The following NTNG1 variants were observed in gnomAD, a reference collection of about 807,000 sequenced individuals.
NTNG1 encodes the protein netrin-G1.
NTNG1 carries 16 observed loss-of-function variants against 54.0 expected under a neutral mutation model. That is an observed-to-expected ratio of 0.30 (90% confidence interval 0.20 to 0.45). The LOEUF is 0.45. Among genes scored for constraint, NTNG1 ranks in the 20% least tolerant of loss-of-function variants. The pLI, the probability that NTNG1 is intolerant of heterozygous loss-of-function variation, is 1.00. For synonymous variants in NTNG1, 255 were observed against 263.1 expected (o/e 0.97, Z 0.30); for missense variants, 530 against 678.7 (o/e 0.78, Z 2.43).
chr1:107,147,657 C>T (rs1014858205), intron 1 of NTNG1, among the ~76,000 whole-genome samples: 2 of 152,000 alleles, frequency 1.3e-5, no homozygotes, highest in Non-Finnish European at 2.9e-5. Context: ...TGCCAAGAGA[C>T]AAAAGGGATA....
At chr1:107,395,438 T>G (rs760583257) in intron 4 of NTNG1, 112 bp downstream of exon 4, 1 of 1,019,624 alleles carries the variant, frequency 9.8e-7, no homozygotes, top group Non-Finnish European at 1.5e-6. Flanking sequence ...CTCATTCTTC[T>G]TTAAAGTGCA....
intron 2 of NTNG1, among the ~76,000 whole-genome samples, chr1:107,251,372 T>G (rs973845284): frequency 2.0e-5 from 3 of 152,226 alleles, no homozygotes; most frequent in African/African-American, 7.2e-5. Flanking sequence ...TTTCTCTACT[T>G]GTATTCCAGC....
Position 107,332,807 on chromosome 1 carries a change from A to T in NTNG1, c.887+7885A>T, listed in dbSNP as rs538388683. ...TTCAATTCAATAAGCCACTTTTAGA[A>T]CTAAGTATATTAGTTTAACCAGAAA... On this transcript the variant is annotated intron_variant, in intron 3 of 7. Coordinates refer to ENST00000370068, the MANE Select transcript of NTNG1 (RefSeq NM_001113226.3). 2.0e-5 allele frequency among the ~76,000 whole-genome samples: 3 copies of T among 152,230 alleles called. No homozygotes were observed. The South Asian group carries it at 6.2e-4, about 32-fold the overall frequency.
chr1:107,391,887 G>A (rs1444735757), intron 3 of NTNG1, among the ~76,000 whole-genome samples: 2 of 152,122 alleles, frequency 1.3e-5, no homozygotes, highest in Non-Finnish European at 2.9e-5. Flanking sequence ...GAGATTTGGA[G>A]GGGACAAAAT....
intron 3 of NTNG1, among the ~76,000 whole-genome samples, chr1:107,371,942 A>G (rs567863550): frequency 7.9e-5 from 12 of 152,138 alleles, no homozygotes; most frequent in African/African-American, 2.9e-4. Flanking sequence ...TCCAATGAGT[A>G]TTTCCTATGA....
intron 2 of NTNG1, among the ~76,000 whole-genome samples, chr1:107,178,167 C>G (rs1360271151): frequency 1.3e-5 from 2 of 152,158 alleles, no homozygotes; most frequent in Non-Finnish European, 2.9e-5. Flanking sequence ...ATTATCATGA[C>G]TCTGCAGACA....
chr1:107,392,914 G>A (rs1191144106), intron 3 of NTNG1, among the ~76,000 whole-genome samples: 1 of 152,116 alleles, frequency 6.6e-6, no homozygotes, highest in African/African-American at 2.4e-5. Flanking sequence ...TGGTCAGGAT[G>A]GATTCAGGTT....
At chr1:107,473,289 G>A (rs977607833) in intron 7 of NTNG1, among the ~76,000 whole-genome samples, 1 of 152,148 alleles carries the variant, frequency 6.6e-6, no homozygotes, top group Non-Finnish European at 1.5e-5. Flanking sequence ...GAACCTAAAT[G>A]TATAACGTTG....
intron 3 of NTNG1, among the ~76,000 whole-genome samples, chr1:107,387,571 A>AT (rs1646854182): frequency 6.6e-6 from 1 of 152,236 alleles, no homozygotes; most frequent in African/African-American, 2.4e-5. Flanking sequence ...ACATTAGAGT[A>AT]TTAAGTGTTA....
At chr1:107,454,703 C>G (rs1034401247) in intron 7 of NTNG1, among the ~76,000 whole-genome samples, 1 of 152,170 alleles carries the variant, frequency 6.6e-6, no homozygotes, top group African/African-American at 2.4e-5. Context: ...TCTATTTAGT[C>G]ACTGGATCAT....
chr1:107,261,864 A>C (rs1663368398), intron 2 of NTNG1, among the ~76,000 whole-genome samples: 1 of 152,176 alleles, frequency 6.6e-6, no homozygotes, highest in East Asian at 1.9e-4. Context: ...CAAAACAAAA[A>C]AAACGATAAC....
At chr1:107,444,821 A>C (rs771842607) in intron 7 of NTNG1, among the ~76,000 whole-genome samples, 2 of 152,078 alleles carry the variant, frequency 1.3e-5, no homozygotes, top group East Asian at 3.9e-4. Context: ...GCCTGATCCT[A>C]CCTGATAATA....
intron 2 of NTNG1, among the ~76,000 whole-genome samples, chr1:107,305,189 A>G (rs992697550): frequency 1.3e-5 from 2 of 152,178 alleles, no homozygotes; most frequent in African/African-American, 2.4e-5. Flanking sequence ...CAGTGCTGCA[A>G]TAAACATCCA....
intron 2 of NTNG1, among the ~76,000 whole-genome samples, chr1:107,211,947 C>G (rs915284065): frequency 1.3e-5 from 2 of 152,118 alleles, no homozygotes; most frequent in East Asian, 1.9e-4. Context: ...AAAAATGCAG[C>G]CCAGCGGTGA....
chr1:107,315,067 C>A (rs1211438769), intron 2 of NTNG1, among the ~76,000 whole-genome samples: 1 of 152,124 alleles, frequency 6.6e-6, no homozygotes, highest in Non-Finnish European at 1.5e-5. Flanking sequence ...CCAAACCTGG[C>A]CTTCCAACTC....
intron 2 of NTNG1, 136 bp from the exon 3 acceptor site, chr1:107,324,146 G>T: frequency 1.3e-6 from 1 of 750,544 alleles, no homozygotes. Context: ...GGAGAATCCA[G>T]TTAGGGCAAA....
At chr1:107,270,332 C>T (rs1429937120) in intron 2 of NTNG1, among the ~76,000 whole-genome samples, 1 of 152,082 alleles carries the variant, frequency 6.6e-6, no homozygotes, top group African/African-American at 2.4e-5. Context: ...TGGCTTATTT[C>T]TTCACTTATT....
At chr1:107,422,233 A>G (rs973275157) in intron 5 of NTNG1, among the ~76,000 whole-genome samples, 1 of 152,104 alleles carries the variant, frequency 6.6e-6, no homozygotes, top group African/African-American at 2.4e-5. Context: ...TGAGAAGAGC[A>G]GATGCAGGCT....
chr1:107,306,457 A>G (rs1333371089), intron 2 of NTNG1, among the ~76,000 whole-genome samples: 3 of 152,196 alleles, frequency 2.0e-5, no homozygotes, highest in African/African-American at 7.2e-5. Context: ...ATGACAAAAG[A>G]GTGGAAGTGG....
Sources: allele counts gnomAD v4.1 joint callset (sites outside exome capture counted in the v4.1 genomes callset), GRCh38; gene constraint gnomAD v4.1.1; transcripts MANE v1.5; gene names NCBI Gene and HGNC (gene_info 2026-07-23, HGNC 2026-07-21).